ADGRG1: variants seen among roughly 807,000 people sequenced by gnomAD.
ADGRG1 encodes adhesion G protein-coupled receptor G1.
In ADGRG1, 53 loss-of-function variants were observed where a neutral mutation model predicts 73.5. The ratio of observed to expected loss-of-function variants is 0.72; its 90% confidence interval spans 0.58 to 0.91. ADGRG1 has a LOEUF of 0.91. Ranked by LOEUF, ADGRG1 falls within the 40% of genes least tolerant of loss-of-function variation. The pLI is 0.00. For synonymous variants in ADGRG1, 394 were observed against 374.4 expected, an observed-to-expected ratio of 1.05 and a Z score of -0.60; for missense variants, 795 against 871.8, an observed-to-expected ratio of 0.91 and a Z score of 1.11.
chr16:57,624,016 G>C (rs953309775), upstream of ADGRG1: 1 of 257,678 alleles, frequency 3.9e-6, no homozygotes, highest in African/African-American at 2.3e-5. Context: ...GATGTGAAAG[G>C]GTTCTGCAAA....
upstream of ADGRG1, chr16:57,626,829 A>T: frequency 1.0e-6 from 1 of 980,662 alleles, no homozygotes. Flanking sequence ...ACCTTGGGGA[A>T]ACTGAGGCAG....
Position 57,651,488 on chromosome 16 carries a change from G to T in ADGRG1, c.353G>T (p.Ser118Ile). The T allele has an allele frequency of 6.2e-7, 1 of 1,614,214 alleles. No homozygotes were observed. Among genetic ancestry groups the T allele is most frequent in the Admixed American group, 1.7e-5 (1 of 60,030 alleles). ...RDFLLSDKAS[S>I]LLCFQHQEES... ...TTCTTGCTGAGTGACAAAGCCTCTA[G>T]CCTCCTCTGCTTCCAGCACCAGGAG... Residue 118 changes from serine (S) to isoleucine (I), a missense_variant, in exon 3 of 14, where the codon AGC (serine) becomes ATC (isoleucine). Physicochemically the swap from Ser to Ile is moderately radical, Grantham distance 142. Coordinates refer to ENST00000562631, the MANE Select transcript of ADGRG1 (RefSeq NM_201525.4).
At position 57,653,190 on chromosome 16, in the gene ADGRG1, AC is replaced by A; in HGVS notation, c.488-9del. ...CGGCAGCCTCGGCGGGGGCCTGTCC[AC>A]CCCTCCCCCAGGTCCTCCCCACACG... On this transcript the variant is annotated splice_polypyrimidine_tract_variant and intron_variant, in intron 3 of 13. Transcript: ENST00000562631. 6.2e-7 allele frequency: 1 copy of A among 1,605,100 alleles called. No individual in the cohort carries two copies.
intron 1 of ADGRG1, chr16:57,632,765 C>T (rs2038332080): frequency 1.0e-6 from 1 of 984,218 alleles, no homozygotes; most frequent in Non-Finnish European, 1.2e-6. Context: ...AAAGCTCAGC[C>T]CCGGAGGAGC....
chr16:57,652,911 G>T, intron 3 of ADGRG1: 1 of 1,272,168 alleles, frequency 7.9e-7, no homozygotes, highest in African/African-American at 1.5e-5. Flanking sequence ...GGCCCTCTCT[G>T]CTCCGTGTGT....
chr16:57,641,389 T>C, intron 1 of ADGRG1: 1 of 981,170 alleles, frequency 1.0e-6, no homozygotes, highest in Non-Finnish European at 1.2e-6. Context: ...CATGAACCTC[T>C]ACGTGGCTGC....
At chr16:57,639,559 G>A (rs1178081291) in intron 1 of ADGRG1, 7 of 985,262 alleles carry the variant, frequency 7.1e-6, no homozygotes, top group African/African-American at 3.5e-5. Context: ...AGGTGGTCGG[G>A]GGACATTGAC....
chr16:57,644,782 ACACT>A (rs1244716031), intron 1 of ADGRG1, among the ~76,000 whole-genome samples: 5 of 146,076 alleles, frequency 3.4e-5, no homozygotes, highest in Non-Finnish European at 7.5e-5. Flanking sequence ...ACACATATGC[ACACT>A]CATGCATGGG....
At chr16:57,630,927 A>T (rs1037526734) in intron 1 of ADGRG1, 1 of 984,420 alleles carries the variant, frequency 1.0e-6, no homozygotes, top group African/African-American at 1.7e-5. Context: ...GGGTCATTTC[A>T]TGGGACTTGA....
At chr16:57,653,946 C>T in intron 4 of ADGRG1, 40 bp from the exon 5 acceptor site, 1 of 1,612,814 alleles carries the variant, frequency 6.2e-7, no homozygotes, top group Non-Finnish European at 8.5e-7. Context: ...GTGGCCCGGC[C>T]CCCTCCCCAC....
chr16:57,629,246 C>G, intron 1 of ADGRG1: 2 of 877,158 alleles, frequency 2.3e-6, no homozygotes, highest in African/African-American at 3.6e-5. Context: ...GGGGGCGGAC[C>G]CACAAGGAGA....
intron 1 of ADGRG1, chr16:57,635,575 G>A (rs1232653559): frequency 6.1e-6 from 6 of 985,292 alleles, no homozygotes; most frequent in Non-Finnish European, 7.2e-6. Context: ...TAGTGATTGC[G>A]ATCTAGGAAG....
rs1372626066 is a variant in ADGRG1, at chr16:57,635,929, A to G, written c.-36+7127A>G. The G allele has an allele frequency of 3.0e-6, 3 of 985,294 alleles. No individual in the cohort carries two copies. The Admixed American group carries it at 1.8e-4, about 60-fold the overall frequency. 61.0% of individuals were successfully genotyped at this position (985,294 alleles called of 1,614,324 possible). A position where few individuals can be genotyped will look rare whatever the true frequency, so the allele number is the denominator to read the frequency against. On this transcript the variant is annotated intron_variant, in intron 1 of 13. Transcript: ENST00000562631. ...GCATGGGAGGCCAAGTGCATATCCTATGGTTTGCACTTGTACGTGGCTCCC... is the reference window on the plus strand; with the variant it reads ...GCATGGGAGGCCAAGTGCATATCCTGTGGTTTGCACTTGTACGTGGCTCCC...
chr16:57,656,044 C>T (rs1597566789), intron 7 of ADGRG1, 52 bp downstream of exon 7: 8 of 1,613,776 alleles, frequency 5.0e-6, no homozygotes, highest in Non-Finnish European at 6.8e-6. Context: ...CCATGTCACC[C>T]TTTCCTCTCC....
chr16:57,640,333 C>T (rs1446840327), intron 1 of ADGRG1: 3 of 152,232 alleles, frequency 2.0e-5, no homozygotes, highest in South Asian at 4.1e-4. Context: ...GCCCTGGGTT[C>T]GCATCCAATC....
In ADGRG1 at chr16:57,656,455, A is replaced by G. The variant is rs574490588; in HGVS notation, c.1064-59A>G. The G allele has an allele frequency of 1.9e-6, 3 of 1,587,140 alleles. No individual in the cohort carries two copies. In the African/African-American group the frequency reaches 4.0e-5, roughly 21 times the overall value. On this transcript the variant is annotated intron_variant, in intron 8 of 13. Coordinates refer to ENST00000562631, the MANE Select transcript of ADGRG1 (RefSeq NM_201525.4). ...GACACAGTCGTGCTTTTGGGGGTGG[A>G]CACAGTGGGGTCCTGGAGGACTGGA...
In ADGRG1 at chr16:57,659,464, C is replaced by T. The variant is rs7198790; in HGVS notation, c.1338C>T (p.Ala446=). Residue 446 remains alanine (A), a synonymous_variant, in exon 11 of 14, where the codon GCC becomes GCT. Transcript: ENST00000562631. ...AGGTGCACATGAACCTGCTGCTGGC[C>T]GTCTTCCTGCTGGACACGAGCTTCC... ...TIKVHMNLLL[A]VFLLDTSFLL... 4,819 of 1,613,796 alleles carry T rather than the reference C, an allele frequency of 3.0e-3. 120 individuals are homozygous for T. The African/African-American group carries it at 0.053, about 18-fold the overall frequency.
chr16:57,623,682 C>G (rs77680960), upstream of ADGRG1: 2 of 518,626 alleles, frequency 3.9e-6, no homozygotes, highest in African/African-American at 2.1e-5. Context: ...GCCTAGGGAA[C>G]CAGACACACA....
chr16:57,662,926 G>A (rs2047597603), intron 13 of ADGRG1: 2 of 985,212 alleles, frequency 2.0e-6, no homozygotes, highest in African/African-American at 1.7e-5. Context: ...AATGGGAGCT[G>A]GGAGTTGGTG....
Sources: allele counts gnomAD v4.1 joint callset (sites outside exome capture counted in the v4.1 genomes callset), GRCh38; gene constraint gnomAD v4.1.1; transcripts MANE v1.5; gene names NCBI Gene and HGNC (gene_info 2026-07-23, HGNC 2026-07-21).